ARHGAP26: variants seen among roughly 807,000 people sequenced by gnomAD.
The protein encoded by ARHGAP26 is rho GTPase-activating protein 26.
A neutral mutation model predicts 104.8 loss-of-function variants in ARHGAP26; 38 were observed. The observed-to-expected ratio is 0.36, with a 90% CI of 0.28 to 0.48. The LOEUF (loss-of-function observed/expected upper bound fraction) is 0.48. ARHGAP26 is among the 20% of genes least tolerant of loss of function. ARHGAP26 has a pLI of 0.99. For synonymous variants in ARHGAP26, 341 were observed against 340.0 expected (o/e 1.00, Z -0.03); for missense variants, 704 against 947.9 (o/e 0.74, Z 3.38).
chr5:142,855,286 A>T (rs1471821600), intron 1 of ARHGAP26, among the ~76,000 whole-genome samples: 2 of 152,172 alleles, frequency 1.3e-5, no homozygotes, highest in Non-Finnish European at 2.9e-5. Context: ...TTTCTACTAA[A>T]TGTTTACAGA....
chr5:142,772,372 G>A (rs965205376), intron 1 of ARHGAP26, among the ~76,000 whole-genome samples: 15 of 152,280 alleles, frequency 9.9e-5, no homozygotes, highest in African/African-American at 3.6e-4. Context: ...TTAGGGGATG[G>A]GGGTCCCTGG....
rs1007210072 is a variant in ARHGAP26, at chr5:142,770,624, G to C, written c.-138G>C. 1.5e-5 allele frequency: 8 copies of C among 547,482 alleles called. No individual in the cohort carries two copies. Among genetic ancestry groups the C allele is most frequent in the African/African-American group, 2.0e-5 (1 of 49,222 alleles). 33.9% of individuals were successfully genotyped at this position (547,482 alleles called of 1,614,324 possible). On this transcript the variant is annotated 5_prime_UTR_variant, in exon 1 of 23. Coordinates refer to ENST00000645722, the MANE Select transcript of ARHGAP26 (RefSeq NM_001135608.3). ...TTGCGCGCCGGCGGACACCGCGCGC[G>C]GAGTGAGCCAGCGCCACACCTGTGG...
chr5:142,949,209 GAGAGAGAGAGAGGAGA>G (rs1562136772), intron 11 of ARHGAP26, among the ~76,000 whole-genome samples: 9 of 62,992 alleles, frequency 1.4e-4, no homozygotes, highest in South Asian at 2.0e-3. Context: ...GAGAGAGAGA[GAGAGAGAGAGAGGAGA>G]GAGAGAGGAG....
chr5:143,086,268 T>G (rs1388826862), intron 17 of ARHGAP26, among the ~76,000 whole-genome samples: 1 of 152,234 alleles, frequency 6.6e-6, no homozygotes, highest in East Asian at 1.9e-4. Flanking sequence ...CCCTCTGGCA[T>G]TACTAAAATG....
At position 142,915,305 on chromosome 5, in the gene ARHGAP26, G is replaced by A. The variant is rs187223872; in HGVS notation, c.1028+2012G>A. Among the ~76,000 whole-genome samples the A allele has an allele frequency of 2.0e-5, 3 of 151,894 alleles. No homozygotes were observed. The East Asian group carries it at 5.8e-4, about 29-fold the overall frequency. The stretch of plus-strand genomic sequence containing the variant: ...TTCTGTCCCTGGTTCCCTCTGCATG[G>A]CGTGGAGAGATTTCAGTCATGGTTC... On this transcript the variant is annotated intron_variant, in intron 10 of 22. Coordinates refer to ENST00000645722, the MANE Select transcript of ARHGAP26 (RefSeq NM_001135608.3).
rs559646589 is a variant in ARHGAP26, at chr5:143,067,533, A to G, written c.1538+9786A>G. On this transcript the variant is annotated intron_variant, in intron 17 of 22. Transcript: ENST00000645722. Reference sequence around the variant, plus strand: ...AAGTTCAGGGGGTTTGAATTTTGGTATCAGTCTTTTCTGCTTCCACACATA... The same window carrying G: ...AAGTTCAGGGGGTTTGAATTTTGGTGTCAGTCTTTTCTGCTTCCACACATA... Among the ~76,000 whole-genome samples, 19 of 152,338 alleles carry G rather than the reference A, an allele frequency of 1.2e-4. No individual in the cohort carries two copies. The South Asian group carries it at 3.5e-3, about 28-fold the overall frequency.
chr5:142,885,459 A>C, intron 5 of ARHGAP26, 60 bp downstream of exon 5: 2 of 1,458,340 alleles, frequency 1.4e-6, no homozygotes, highest in Non-Finnish European at 1.9e-6. Context: ...TGCTGTGGAT[A>C]TGTGCTGGTT....
In ARHGAP26 at chr5:143,046,281, A is replaced by G. The variant is rs376633578; in HGVS notation, c.1285+4391A>G. On this transcript the variant is annotated intron_variant, in intron 14 of 22. Transcript: ENST00000645722. ...ATCACACCACTGAACTCCAGCCTGA[A>G]TGACAGAGCAAGACTCAGTCTCAAA... 1.7e-4 allele frequency among the ~76,000 whole-genome samples: 26 copies of G among 152,274 alleles called. 1 individual carries two copies. Among genetic ancestry groups the G allele is most frequent in the African/African-American group, 6.3e-4 (26 of 41,556 alleles).
At position 143,228,491 on chromosome 5, in the gene ARHGAP26, TAA is replaced by T. The variant is rs1215331050; in HGVS notation, c.*6047_*6048del. ...CAGCTACATTTTTTGTTAACTTACT[TAA>T]AGTCATGTCGCAAGAAAGATCAAAC... is the stretch of plus-strand genomic sequence containing the variant. On this transcript the variant is annotated 3_prime_UTR_variant, in exon 23 of 23. Coordinates refer to ENST00000645722, the MANE Select transcript of ARHGAP26 (RefSeq NM_001135608.3). The T allele has an allele frequency of 4.5e-6, 1 of 219,954 alleles. No homozygotes were observed. The highest frequency in any genetic ancestry group is 9.1e-6 in the Non-Finnish European group (1 of 109,598). 13.6% of individuals were successfully genotyped at this position (219,954 alleles called of 1,614,324 possible). A position where few individuals can be genotyped will look rare whatever the true frequency, so the allele number is the denominator to read the frequency against.
chr5:143,188,517 G>C (rs1805468495), intron 20 of ARHGAP26, among the ~76,000 whole-genome samples: 2 of 152,222 alleles, frequency 1.3e-5, no homozygotes. Context: ...CTGGGAGAAT[G>C]ACAGAAAATT....
chr5:143,089,669 A>G (rs114763769), intron 17 of ARHGAP26, among the ~76,000 whole-genome samples: 2,639 of 152,328 alleles, frequency 0.017, 72 homozygotes, highest in African/African-American at 0.061. Flanking sequence ...TAGTTAGTAA[A>G]TCACTGTTGG....
At chr5:143,012,578 A>ATATATATATATATATACATATATGG (rs1554195776) in intron 11 of ARHGAP26, among the ~76,000 whole-genome samples, 1 of 16,326 alleles carries the variant, frequency 6.1e-5, no homozygotes, top group African/African-American at 1.4e-4. Flanking sequence ...TATATATATT[A>ATATATATATATATATACATATATGG]TGATCAGGTT....
intron 12 of ARHGAP26, among the ~76,000 whole-genome samples, chr5:143,027,799 G>A (rs1250730911): frequency 6.6e-6 from 1 of 152,162 alleles, no homozygotes; most frequent in Non-Finnish European, 1.5e-5. Context: ...AGTCATTTTT[G>A]TTTGTTTTTG....
chr5:142,961,420 A>G (rs953144891), intron 11 of ARHGAP26, among the ~76,000 whole-genome samples: 12 of 152,088 alleles, frequency 7.9e-5, no homozygotes, highest in African/African-American at 2.7e-4. Context: ...CGAGGTTGGG[A>G]GGTGGAGGGT....
At chr5:143,074,446 T>C (rs1255391125) in intron 17 of ARHGAP26, among the ~76,000 whole-genome samples, 1 of 152,226 alleles carries the variant, frequency 6.6e-6, no homozygotes, top group African/African-American at 2.4e-5. Flanking sequence ...GAACACTCCA[T>C]TGCTGGTTCT....
intron 20 of ARHGAP26, among the ~76,000 whole-genome samples, chr5:143,179,991 A>C (rs1804068241): frequency 6.6e-6 from 1 of 151,780 alleles, no homozygotes; most frequent in Non-Finnish European, 1.5e-5. Context: ...AAAACCCTCA[A>C]TTTGCTTTTG....
At chr5:143,216,068 G>C (rs1810305414) in intron 22 of ARHGAP26, 1 of 416,410 alleles carries the variant, frequency 2.4e-6, no homozygotes, top group East Asian at 7.2e-5. Flanking sequence ...ACCATTTTAT[G>C]TTCCTACCTT....
intron 20 of ARHGAP26, among the ~76,000 whole-genome samples, chr5:143,155,920 A>T (rs1306397692): frequency 6.6e-6 from 1 of 152,210 alleles, no homozygotes; most frequent in East Asian, 1.9e-4. Context: ...ACTGAATTTC[A>T]TTTTGAATTT....
chr5:142,793,563 C>T (rs1188222826), intron 1 of ARHGAP26, among the ~76,000 whole-genome samples: 1 of 151,918 alleles, frequency 6.6e-6, no homozygotes, highest in Non-Finnish European at 1.5e-5. Context: ...TCACCATTCT[C>T]TCAGTTGGTT....
Sources: allele counts gnomAD v4.1 joint callset (sites outside exome capture counted in the v4.1 genomes callset), GRCh38; gene constraint gnomAD v4.1.1; transcripts MANE v1.5; gene names NCBI Gene and HGNC (gene_info 2026-07-23, HGNC 2026-07-21).